The following KHDRBS2 variants were observed in gnomAD, a reference collection of about 807,000 sequenced individuals.
KHDRBS2 encodes KH domain-containing, RNA-binding, signal transduction-associated protein 2.
KHDRBS2 carries 26 observed loss-of-function variants against 44.3 expected under a neutral mutation model. That is an observed-to-expected ratio of 0.59 (90% confidence interval 0.43 to 0.81). The LOEUF (loss-of-function observed/expected upper bound fraction) is 0.81, where lower values mean the gene tolerates loss of function less well. Ranked by LOEUF, KHDRBS2 falls within the 40% of genes least tolerant of loss-of-function variation. KHDRBS2 has a pLI of 0.00. For missense variants in KHDRBS2, 476 were observed against 433.1 expected (o/e 1.10, Z -0.88); for synonymous variants, 194 against 151.1 (o/e 1.28, Z -2.08).
At chr6:62,031,592 T>G (rs962191330) in intron 3 of KHDRBS2, among the ~76,000 whole-genome samples, 2 of 152,078 alleles carry the variant, frequency 1.3e-5, no homozygotes, top group Admixed American at 6.6e-5. Flanking sequence ...AATATATCAA[T>G]GGTAGTCTGA....
the KHDRBS2 span, among the ~76,000 whole-genome samples, chr6:61,631,805 C>T: frequency 3.3e-5 from 5 of 151,956 alleles, no homozygotes; most frequent in African/African-American, 7.3e-5. Flanking sequence ...AAACACAAAT[C>T]GTCTGAATGT....
At chr6:61,733,179 T>TAAACTAC (rs1436626457) in intron 6 of KHDRBS2, among the ~76,000 whole-genome samples, 2 of 152,092 alleles carry the variant, frequency 1.3e-5, no homozygotes, top group African/African-American at 4.8e-5. Context: ...ATAGAAACTA[T>TAAACTAC]AAACTACAGG....
At chr6:61,781,510 C>T (rs1782921435) in intron 6 of KHDRBS2, among the ~76,000 whole-genome samples, 1 of 152,082 alleles carries the variant, frequency 6.6e-6, no homozygotes, top group Non-Finnish European at 1.5e-5. Flanking sequence ...AAACAAAAAA[C>T]TAGCATTTCC....
chr6:62,030,071 G>A (rs1356372236), intron 3 of KHDRBS2, among the ~76,000 whole-genome samples: 12 of 151,932 alleles, frequency 7.9e-5, no homozygotes, highest in South Asian at 2.1e-4. Context: ...AAATGTAAGC[G>A]AAAGCAGAAC....
chr6:62,245,086 G>A (rs1835323207), intron 1 of KHDRBS2, among the ~76,000 whole-genome samples: 1 of 152,064 alleles, frequency 6.6e-6, no homozygotes, highest in Non-Finnish European at 1.5e-5. Context: ...ATTCTCATGC[G>A]ACTAGAAGGG....
At chr6:61,702,061 CAGAA>C (rs554410871) in intron 7 of KHDRBS2, among the ~76,000 whole-genome samples, 252 of 151,136 alleles carry the variant, frequency 1.7e-3, no homozygotes, top group Middle Eastern at 0.01. Context: ...TTTTTTTTAA[CAGAA>C]AGAAAGATAA....
In KHDRBS2 at chr6:62,219,933, A is replaced by T. The variant is rs187583787; in HGVS notation, c.92-42621T>A. On this transcript the variant is annotated intron_variant, in intron 1 of 8. Coordinates refer to ENST00000281156, the MANE Select transcript of KHDRBS2 (RefSeq NM_152688.4). ...TCTATACTTGAAATTATATATATAT[A>T]TTAATAGTATATATATAACTGTATA... Among the ~76,000 whole-genome samples the T allele has an allele frequency of 1.5e-4, 22 of 147,430 alleles. No individual in the cohort carries two copies. In the Admixed American group the frequency reaches 1.5e-3, roughly 10 times the overall value.
intron 2 of KHDRBS2, among the ~76,000 whole-genome samples, chr6:62,122,638 CAG>C (rs1439238729): frequency 2.6e-5 from 4 of 152,092 alleles, no homozygotes; most frequent in Non-Finnish European, 4.4e-5. Context: ...GATCAGCTGA[CAG>C]AGGAAGAGAA....
In KHDRBS2 at chr6:61,875,633, A is replaced by G. The variant is rs563194833; in HGVS notation, c.810+19002T>C. Among the ~76,000 whole-genome samples the G allele has an allele frequency of 5.3e-5, 8 of 152,268 alleles. No homozygotes were observed. The East Asian group carries it at 1.5e-3, about 29-fold the overall frequency. ...ACTTTCCACTTTTCCACAAAGTATT[A>G]TATCTATCCTTCTATTGAATTGTGT... On this transcript the variant is annotated intron_variant, in intron 6 of 8. Transcript: ENST00000281156.
intron 1 of KHDRBS2, among the ~76,000 whole-genome samples, chr6:62,200,734 G>T (rs564657771): frequency 6.6e-6 from 1 of 152,160 alleles, no homozygotes; most frequent in Non-Finnish European, 1.5e-5. Context: ...CCCATTACTG[G>T]GTATATACCC....
intron 2 of KHDRBS2, among the ~76,000 whole-genome samples, chr6:62,137,279 G>C (rs1348326638): frequency 6.6e-6 from 1 of 152,046 alleles, no homozygotes; most frequent in Non-Finnish European, 1.5e-5. Context: ...GGGATTACAG[G>C]CGTGAGCCAC....
chr6:62,062,728 C>A (rs1431247759), intron 2 of KHDRBS2, among the ~76,000 whole-genome samples: 2 of 146,464 alleles, frequency 1.4e-5, no homozygotes, highest in Non-Finnish European at 3.0e-5. Flanking sequence ...ACTAGAAAAG[C>A]AAGAGCAAAC....
intron 6 of KHDRBS2, among the ~76,000 whole-genome samples, chr6:61,772,161 T>A (rs112021550): frequency 2.0e-5 from 3 of 152,026 alleles, no homozygotes; most frequent in Admixed American, 2.0e-4. Flanking sequence ...ATTGAACACA[T>A]TGAAAGCATT....
At chr6:62,262,107 G>A (rs959815167) in intron 1 of KHDRBS2, among the ~76,000 whole-genome samples, 1 of 151,622 alleles carries the variant, frequency 6.6e-6, no homozygotes, top group African/African-American at 2.4e-5. Context: ...CCTATCCTGT[G>A]GTATGAATTT....
chr6:61,978,812 T>C (rs766224946), intron 3 of KHDRBS2, among the ~76,000 whole-genome samples: 1 of 152,034 alleles, frequency 6.6e-6, no homozygotes, highest in East Asian at 1.9e-4. Context: ...CAGGGGAATA[T>C]TAAAGGGTGG....
chr6:62,203,076 A>G (rs1212612768), intron 1 of KHDRBS2, among the ~76,000 whole-genome samples: 1 of 152,124 alleles, frequency 6.6e-6, no homozygotes, highest in African/African-American at 2.4e-5. Flanking sequence ...AATTTATTGA[A>G]GGACCAGTGA....
At chr6:61,607,545 A>AAAAAAAAAAAAAAGG in the KHDRBS2 span, among the ~76,000 whole-genome samples, 1 of 147,572 alleles carries the variant, frequency 6.8e-6, no homozygotes, top group Non-Finnish European at 1.5e-5. Flanking sequence ...AAAAAAAAAA[A>AAAAAAAAAAAAAAGG]GATGTGTGAG....
At chr6:61,825,761 A>T (rs1454519807) in intron 6 of KHDRBS2, among the ~76,000 whole-genome samples, 1 of 152,078 alleles carries the variant, frequency 6.6e-6, no homozygotes, top group East Asian at 1.9e-4. Context: ...TCTGTTGTCT[A>T]TGTGGGCTAG....
At chr6:62,244,865 T>A (rs1407170236) in intron 1 of KHDRBS2, among the ~76,000 whole-genome samples, 1 of 152,046 alleles carries the variant, frequency 6.6e-6, no homozygotes, top group African/African-American at 2.4e-5. Context: ...TGATTTTGAA[T>A]AAAATAATGG....
Sources: gnomAD v4.1 joint callset for allele counts (sites outside exome capture counted in the v4.1 genomes callset) on GRCh38, gnomAD v4.1.1 for gene constraint, MANE v1.5 for transcripts, NCBI Gene and HGNC (gene_info 2026-07-23, HGNC 2026-07-21) for gene names.